Variants in EPB41L2 observed in about 807,000 individuals in gnomAD.
EPB41L2 encodes the protein band 4.1-like protein 2.
EPB41L2 carries 43 observed loss-of-function variants against 113.0 expected under a neutral mutation model. That is an observed-to-expected ratio of 0.38 (90% CI 0.30 to 0.49). EPB41L2 has a LOEUF of 0.49. EPB41L2 is among the 20% of genes least tolerant of loss of function. EPB41L2 has a pLI of 0.95. For synonymous variants in EPB41L2, 442 were observed against 436.7 expected (o/e 1.01, Z -0.15); for missense variants, 1,147 against 1,223.4 (o/e 0.94, Z 0.93).
At chr6:131,006,345 C>T (rs560637238) in intron 1 of EPB41L2, among the ~76,000 whole-genome samples, 1 of 151,502 alleles carries the variant, frequency 6.6e-6, no homozygotes, top group South Asian at 2.1e-4. Flanking sequence ...GCATGAGCCA[C>T]CGCACCCGAC....
chr6:130,966,568 G>C lies in EPB41L2; in HGVS notation c.-14-10069C>G, dbSNP rs887457629. Among the ~76,000 whole-genome samples the C allele has an allele frequency of 4.6e-5, 7 of 152,280 alleles. No individual in the cohort carries two copies. The East Asian group carries it at 1.4e-3, about 29-fold the overall frequency. ...TTAAATGAGTAAAGAAACTGGGGAA[G>C]AATGCAAGAGAGTAACAACAGTGAT... On this transcript the variant is annotated intron_variant, in intron 1 of 19. Transcript: ENST00000337057.
chr6:131,007,632 T>C (rs893524973), intron 1 of EPB41L2, among the ~76,000 whole-genome samples: 2 of 152,074 alleles, frequency 1.3e-5, no homozygotes, highest in African/African-American at 4.8e-5. Context: ...AAAATGCTGA[T>C]AGTAATATGG....
intron 4 of EPB41L2, among the ~76,000 whole-genome samples, chr6:130,912,526 A>C (rs1799742752): frequency 6.6e-6 from 1 of 152,194 alleles, no homozygotes; most frequent in South Asian, 2.1e-4. Context: ...CTCTCAATAA[A>C]GAACTACCAG....
At chr6:130,876,778 A>G in intron 14 of EPB41L2, 2 of 1,300,846 alleles carry the variant, frequency 1.5e-6, no homozygotes, top group Non-Finnish European at 1.0e-6. Flanking sequence ...CCTTTTCTCT[A>G]TTGTTTTAAA....
At chr6:131,024,095 C>G (rs1790270576) in intron 1 of EPB41L2, among the ~76,000 whole-genome samples, 1 of 152,016 alleles carries the variant, frequency 6.6e-6, no homozygotes, top group East Asian at 1.9e-4. Flanking sequence ...GAGGCAGAAT[C>G]ACAAAGGAAG....
At chr6:130,896,052 G>A (rs1401236542) in intron 8 of EPB41L2, among the ~76,000 whole-genome samples, 2 of 152,052 alleles carry the variant, frequency 1.3e-5, no homozygotes, top group South Asian at 2.1e-4. Flanking sequence ...CAAACAATAC[G>A]AAACAAATTC....
chr6:131,008,907 T>C (rs1007463265), intron 1 of EPB41L2, among the ~76,000 whole-genome samples: 1 of 152,190 alleles, frequency 6.6e-6, no homozygotes, highest in Admixed American at 6.5e-5. Context: ...GCTTTTGATT[T>C]TACAGGCTCA....
intron 16 of EPB41L2, chr6:130,865,946 T>C (rs545119029): frequency 1.0e-4 from 25 of 250,322 alleles, no homozygotes; most frequent in African/African-American, 5.6e-4. Context: ...AGCTAGAAAA[T>C]GAAACTAGAG....
intron 1 of EPB41L2, among the ~76,000 whole-genome samples, chr6:130,958,058 G>C (rs1373647501): frequency 6.6e-6 from 1 of 152,140 alleles, no homozygotes; most frequent in Non-Finnish European, 1.5e-5. Context: ...TCTACGATGT[G>C]GTAAGTTCAT....
intron 5 of EPB41L2, among the ~76,000 whole-genome samples, chr6:130,907,155 T>C (rs187424509): frequency 1.5e-3 from 228 of 152,278 alleles, no homozygotes; most frequent in African/African-American, 5.4e-3. Context: ...ACATCAATCA[T>C]GTTTCAGAGG....
chr6:131,040,329 C>T (rs1794207033), intron 1 of EPB41L2, among the ~76,000 whole-genome samples: 1 of 152,132 alleles, frequency 6.6e-6, no homozygotes, highest in African/African-American at 2.4e-5. Context: ...ATCCCAGCTG[C>T]TTGGGAGGCT....
rs149795029 is a variant in EPB41L2 at position 130,870,017 on chromosome 6, C to T, written c.2153G>A (p.Ser718Asn). Residue 718 changes from serine (S) to asparagine (N), a missense_variant, in exon 15 of 20, where the codon AGT becomes AAT. Ser to Asn is a conservative substitution (Grantham distance 46, BLOSUM62 1). Transcript: ENST00000337057. ...CACCTTACGAATCTCCCCAGGACCA[C>T]TCCCAGGTGATATCTCTTTACCATT... is the stretch of plus-strand genomic sequence containing the variant. ...EMNGKEISPG[S>N]GPGEIRKVEP... 6.2e-7 allele frequency: 1 copy of T among 1,613,924 alleles called. No individual in the cohort carries two copies. Among genetic ancestry groups the T allele is most frequent in the Non-Finnish European group, 8.5e-7 (1 of 1,180,036 alleles).
intron 10 of EPB41L2, among the ~76,000 whole-genome samples, chr6:130,892,354 A>G (rs1793169700): frequency 6.7e-6 from 1 of 149,846 alleles, no homozygotes; most frequent in African/African-American, 2.4e-5. Flanking sequence ...TCTGACTCTA[A>G]TAAGTGTTCA....
chr6:131,062,887 C>A (rs1798989803), intron 1 of EPB41L2, among the ~76,000 whole-genome samples: 2 of 152,014 alleles, frequency 1.3e-5, no homozygotes, highest in African/African-American at 4.8e-5. Context: ...CGGGATCCGG[C>A]CCGGAGCAAC....
chr6:130,990,055 T>C (rs561221781), intron 1 of EPB41L2, among the ~76,000 whole-genome samples: 1 of 152,310 alleles, frequency 6.6e-6, no homozygotes, highest in South Asian at 2.1e-4. Context: ...GCACAGTGGC[T>C]CACACCTGTA....
intron 1 of EPB41L2, among the ~76,000 whole-genome samples, chr6:131,020,562 G>C (rs1789226165): frequency 6.6e-6 from 1 of 152,182 alleles, no homozygotes; most frequent in Non-Finnish European, 1.5e-5. Flanking sequence ...ATTCACAGTT[G>C]AATGAAATGA....
At chr6:130,985,688 C>T (rs1977578) in intron 1 of EPB41L2, among the ~76,000 whole-genome samples, 126,145 of 152,144 alleles carry the variant, frequency 0.83, 52,809 homozygotes, top group East Asian at 1. Flanking sequence ...CAGAATTATA[C>T]ACAAAGATAA....
intron 15 of EPB41L2, 50 bp downstream of exon 15, chr6:130,869,513 A>G: frequency 6.5e-7 from 1 of 1,530,612 alleles, no homozygotes; most frequent in Non-Finnish European, 8.9e-7. Context: ...GGAGTTCCCC[A>G]TCTGAGAAGC....
intron 1 of EPB41L2, chr6:130,970,548 C>T (rs550007956): frequency 1.4e-4 from 21 of 152,324 alleles, no homozygotes; most frequent in African/African-American, 4.8e-4. Flanking sequence ...GAACCTTCGG[C>T]ATAGAAACCA....
Sources: allele counts gnomAD v4.1 joint callset (sites outside exome capture counted in the v4.1 genomes callset), GRCh38; gene constraint gnomAD v4.1.1; transcripts MANE v1.5; gene names NCBI Gene and HGNC (gene_info 2026-07-23, HGNC 2026-07-21).